TRIM71: variants seen among roughly 807,000 people sequenced by gnomAD.
TRIM71 encodes the protein tripartite motif containing 71, also known as E3 ubiquitin-protein ligase TRIM71.
TRIM71 carries 9 observed loss-of-function variants against 61.2 expected under a neutral mutation model. That is an observed-to-expected ratio of 0.15 (90% CI 0.09 to 0.26). The LOEUF (loss-of-function observed/expected upper bound fraction) is 0.26, where lower values mean the gene tolerates loss of function less well. TRIM71 is among the 10% of genes least tolerant of loss of function. The pLI is 1.00. For synonymous variants in TRIM71, 645 were observed against 553.2 expected, an observed-to-expected ratio of 1.17 and a Z score of -2.33; for missense variants, 998 against 1,238.7, an observed-to-expected ratio of 0.81 and a Z score of 2.92.
At position 32,891,533 on chromosome 3, in the gene TRIM71, G is replaced by A. The variant is rs779223962; in HGVS notation, c.2329G>A (p.Asp777Asn). The A allele has an allele frequency of 1.5e-5, 25 of 1,613,292 alleles. No homozygotes were observed. Among genetic ancestry groups the A allele is most frequent in the African/African-American group, 4.0e-5 (3 of 74,908 alleles). The change falls in exon 4 of 4, where the codon GAC (aspartate) becomes AAC (asparagine). Residue 777 changes from aspartate to asparagine, a missense_variant. Transcript: ENST00000383763. The surrounding 1 kb of genome is among the most constrained non-coding windows in gnomAD (Gnocchi z 8.2). Reference protein sequence around the residue: ...NNHRLLVIHPDCQSARFLGSE... With the variant: ...NNHRLLVIHPNCQSARFLGSE... ...CCACCGGCTCCTGGTTATTCACCCC[G>A]ACTGCCAGTCGGCACGCTTTCTGGG...
At chr3:32,885,631 A>G (rs1287409103) in intron 2 of TRIM71, among the ~76,000 whole-genome samples, 1 of 152,172 alleles carries the variant, frequency 6.6e-6, no homozygotes. Flanking sequence ...CCCAGTTTTC[A>G]TCTGTCACCC....
chr3:32,893,909 C>T lies in TRIM71; in HGVS notation c.*2098C>T, dbSNP rs1338555972. The T allele has an allele frequency of 6.6e-6, 1 of 151,870 alleles. No homozygotes were observed. The highest frequency in any genetic ancestry group is 2.4e-5 in the African/African-American group (1 of 41,376). The allele number at this position is 151,870 out of a possible 1,614,324, so 9.4% of individuals were successfully genotyped here. On this transcript the variant is annotated 3_prime_UTR_variant, in exon 4 of 4. Transcript: ENST00000383763. ...GGAGAACTGCATGCAATAAAAGATT[C>T]AAAAGTTGGAAAGTAGCTTCAAACT...
chr3:32,835,579 A>G (rs1696325403), intron 1 of TRIM71, among the ~76,000 whole-genome samples: 1 of 152,204 alleles, frequency 6.6e-6, no homozygotes, highest in Admixed American at 6.5e-5. Context: ...AACACTTGTC[A>G]TTTTAGGCTG....
In TRIM71 at chr3:32,891,852, GTCTC is replaced by G. The variant is rs10630076; in HGVS notation, c.*59_*62del. 7.6e-4 allele frequency: 1,089 copies of G among 1,437,600 alleles called. 8 individuals are homozygous for G. Among genetic ancestry groups the G allele is most frequent in the Admixed American group, 3.1e-3 (145 of 46,824 alleles). The allele number at this position is 1,437,600 out of a possible 1,614,324, so 89.1% of individuals were successfully genotyped here. A position where few individuals can be genotyped will look rare whatever the true frequency, so the allele number is the denominator to read the frequency against. Reference sequence around the variant, plus strand: ...TTCTGTGTTTGGGGTGTGTGTGCGTGTCTCTCTCTCTCTCTCTCTCTTTCTCTTT... The same window carrying G: ...TTCTGTGTTTGGGGTGTGTGTGCGTGTCTCTCTCTCTCTCTCTTTCTCTTT... On this transcript the variant is annotated 3_prime_UTR_variant, in exon 4 of 4. Transcript: ENST00000383763. This position sits in a 1 kb window ranked among gnomAD's most constrained non-coding sequence, Gnocchi z 8.2.
chr3:32,872,283 C>T (rs542622341), intron 1 of TRIM71, among the ~76,000 whole-genome samples: 1 of 152,218 alleles, frequency 6.6e-6, no homozygotes, highest in South Asian at 2.1e-4. Flanking sequence ...TTCTAGAGAA[C>T]CAGTTTAACC....
chr3:32,842,332 A>G (rs1696416292), intron 1 of TRIM71, among the ~76,000 whole-genome samples: 1 of 152,196 alleles, frequency 6.6e-6, no homozygotes, highest in South Asian at 2.1e-4. Context: ...CTCTCCTTTC[A>G]TGACTCAAGC....
Position 32,891,890 on chromosome 3 carries a change from T to TC in TRIM71, c.*79_*80insC. 2.0e-6 allele frequency: 3 copies of TC among 1,486,336 alleles called. No homozygotes were observed. The highest frequency in any genetic ancestry group is 2.7e-6 in the Non-Finnish European group (3 of 1,115,716). The allele number at this position is 1,486,336 out of a possible 1,614,324, so 92.1% of individuals were successfully genotyped here. A position where few individuals can be genotyped will look rare whatever the true frequency, so the allele number is the denominator to read the frequency against. On this transcript the variant is annotated 3_prime_UTR_variant, in exon 4 of 4. Coordinates refer to ENST00000383763, the MANE Select transcript of TRIM71 (RefSeq NM_001039111.3). This position sits in a 1 kb window ranked among gnomAD's most constrained non-coding sequence, Gnocchi z 8.2. ...TCTCTCTCTTTCTCTTTCTCTCTCT[T>TC]TTTGAATTTCAAAGAAGAAACAGTC...
intron 1 of TRIM71, among the ~76,000 whole-genome samples, chr3:32,836,216 C>T (rs1696332077): frequency 6.6e-6 from 1 of 152,108 alleles, no homozygotes; most frequent in African/African-American, 2.4e-5. Context: ...CTTCCACCAG[C>T]CGCATTTCCT....
intron 1 of TRIM71, among the ~76,000 whole-genome samples, chr3:32,829,857 T>C (rs539296625): frequency 4.6e-5 from 7 of 152,118 alleles, no homozygotes; most frequent in Non-Finnish European, 1.0e-4. Flanking sequence ...ACATGTGTTA[T>C]TGACAAGTGT....
chr3:32,850,483 C>T (rs939686653), intron 1 of TRIM71, among the ~76,000 whole-genome samples: 1 of 152,054 alleles, frequency 6.6e-6, no homozygotes, highest in African/African-American at 2.4e-5. Flanking sequence ...CAAAATACTC[C>T]GTCCTCCATT....
chr3:32,818,143 G>A lies in TRIM71; in HGVS notation c.63G>A (p.Ser21=), dbSNP rs746896903. 1 of 1,610,660 alleles carries A rather than the reference G, an allele frequency of 6.2e-7. No individual in the cohort carries two copies. Among genetic ancestry groups the A allele is most frequent in the Non-Finnish European group, 8.5e-7 (1 of 1,178,648 alleles). ...TGCTGTGCAAGGAGATGTGCGGCTC[G>A]CCGGCGCCGCTCTCCTCCAACTCGT... ...ICLLCKEMCG[S]PAPLSSNSSA... is the part of the protein sequence containing the mutation. The change falls in exon 1 of 4, where the codon TCG becomes TCA. Residue 21 remains serine, a synonymous_variant. Transcript: ENST00000383763.
intron 2 of TRIM71, among the ~76,000 whole-genome samples, chr3:32,876,438 G>A (rs1184256601): frequency 2.6e-5 from 4 of 152,168 alleles, no homozygotes; most frequent in Non-Finnish European, 5.9e-5. Context: ...ATAAAAATTA[G>A]CCAGGCATGG....
intron 1 of TRIM71, among the ~76,000 whole-genome samples, chr3:32,839,159 T>C (rs1010041543): frequency 7.9e-5 from 12 of 152,156 alleles, no homozygotes; most frequent in African/African-American, 2.9e-4. Flanking sequence ...AGGGTGTTTC[T>C]TGTCATGGAC....
intron 1 of TRIM71, among the ~76,000 whole-genome samples, chr3:32,870,903 CT>C (rs1221510192): frequency 1.3e-5 from 2 of 151,804 alleles, no homozygotes. Flanking sequence ...GCCTCAACTT[CT>C]TAGGCTCAAG....
chr3:32,849,223 A>G (rs190494764), intron 1 of TRIM71, among the ~76,000 whole-genome samples: 220 of 152,310 alleles, frequency 1.4e-3, no homozygotes, highest in Middle Eastern at 0.014. Flanking sequence ...GTAGTTAAAC[A>G]TTGTTTCATG....
At chr3:32,830,590 T>A (rs1696258495) in intron 1 of TRIM71, among the ~76,000 whole-genome samples, 1 of 152,168 alleles carries the variant, frequency 6.6e-6, no homozygotes, top group Non-Finnish European at 1.5e-5. Context: ...CAATTTGGCA[T>A]TGATGGATTG....
At chr3:32,866,215 C>A (rs141819749) in intron 1 of TRIM71, among the ~76,000 whole-genome samples, 3 of 151,552 alleles carry the variant, frequency 2.0e-5, no homozygotes, top group Admixed American at 6.6e-5. Context: ...GGATTACAGG[C>A]GTGAACCACT....
intron 1 of TRIM71, among the ~76,000 whole-genome samples, chr3:32,861,185 CT>C (rs1024080140): frequency 1.6e-4 from 23 of 145,862 alleles, no homozygotes; most frequent in South Asian, 2.3e-4. Flanking sequence ...AGTAAATAAT[CT>C]TTTTTTTTTT....
intron 1 of TRIM71, among the ~76,000 whole-genome samples, chr3:32,849,719 C>T (rs961930875): frequency 2.0e-5 from 3 of 152,198 alleles, no homozygotes; most frequent in Admixed American, 6.5e-5. Flanking sequence ...AAACAAGCCT[C>T]CTTCCCCTTC....
Sources: allele counts gnomAD v4.1 joint callset (sites outside exome capture counted in the v4.1 genomes callset), GRCh38; gene constraint gnomAD v4.1.1; non-coding constraint Gnocchi (gnomAD v3.1); transcripts MANE v1.5; gene names NCBI Gene and HGNC (gene_info 2026-07-23, HGNC 2026-07-21).